Variants in RYR2 observed in about 807,000 individuals in gnomAD.
RYR2 encodes cardiac muscle ryanodine receptor-calcium release channel.
In RYR2, 227 loss-of-function variants were observed where a neutral mutation model predicts 601.1. The ratio of observed to expected loss-of-function variants is 0.38; its 90% confidence interval spans 0.34 to 0.42. The LOEUF (loss-of-function observed/expected upper bound fraction) is 0.42, where lower values mean the gene tolerates loss of function less well. Ranked by LOEUF, RYR2 falls within the 10% of genes least tolerant of loss-of-function variation. RYR2 has a pLI of 1.00. For missense variants in RYR2, 4,646 were observed against 6,156.5 expected, an observed-to-expected ratio of 0.75 and a Z score of 8.21; for synonymous variants, 2,223 against 2,175.1, an observed-to-expected ratio of 1.02 and a Z score of -0.61.
At chr1:237,815,391 C>T (rs1661712710) in intron 100 of RYR2, among the ~76,000 whole-genome samples, 1 of 152,240 alleles carries the variant, frequency 6.6e-6, no homozygotes, top group African/African-American at 2.4e-5. Flanking sequence ...TCCAGCACCA[C>T]AGCCAACTAC....
Position 237,674,865 on chromosome 1 carries a change from T to C in RYR2, c.8830+19T>C, listed in dbSNP as rs770534794. The C allele has an allele frequency of 2.4e-5, 31 of 1,313,870 alleles. No homozygotes were observed. In the Admixed American group the frequency reaches 3.1e-4, roughly 13 times the overall value. The allele number at this position is 1,313,870 out of a possible 1,614,324, so 81.4% of individuals were successfully genotyped here. A position where few individuals can be genotyped will look rare whatever the true frequency, so the allele number is the denominator to read the frequency against. On this transcript the variant is annotated intron_variant, in intron 60 of 104. Coordinates refer to ENST00000366574, the MANE Select transcript of RYR2 (RefSeq NM_001035.3). ...GAGTTTGGTAGGTACCATAGTCCCA[T>C]TGCTAATAGCCCAGTGTTTGTTGTT... is the stretch of plus-strand genomic sequence containing the variant.
intron 63 of RYR2, among the ~76,000 whole-genome samples, chr1:237,690,127 G>A (rs1000559613): frequency 1.3e-5 from 2 of 152,148 alleles, no homozygotes; most frequent in African/African-American, 2.4e-5. Context: ...GTGAGCCACC[G>A]TGCCTGGCCA....
chr1:237,056,729 G>A (rs1479195210), intron 1 of RYR2, among the ~76,000 whole-genome samples: 8 of 149,520 alleles, frequency 5.4e-5, no homozygotes, highest in Non-Finnish European at 1.2e-4. Flanking sequence ...TGTGAGGACT[G>A]GAGCATTGCA....
At chr1:237,743,688 T>C (rs1312042938) in intron 80 of RYR2, 6 of 497,256 alleles carry the variant, frequency 1.2e-5, no homozygotes, top group Non-Finnish European at 2.4e-5. Flanking sequence ...ACATTTACCT[T>C]TGTTAGACCC....
At chr1:237,213,500 AGT>A (rs1217535342) in intron 1 of RYR2, among the ~76,000 whole-genome samples, 1 of 152,000 alleles carries the variant, frequency 6.6e-6, no homozygotes, top group Non-Finnish European at 1.5e-5. Flanking sequence ...GTATTTTAGT[AGT>A]GAGGCTGAAC....
intron 34 of RYR2, among the ~76,000 whole-genome samples, chr1:237,597,466 G>C (rs1185219202): frequency 6.6e-6 from 1 of 151,750 alleles, no homozygotes; most frequent in Admixed American, 6.6e-5. Context: ...ATTTTTAATA[G>C]AGATGGGGTT....
At chr1:237,062,984 G>A (rs147477707) in intron 1 of RYR2, among the ~76,000 whole-genome samples, 138 of 151,734 alleles carry the variant, frequency 9.1e-4, no homozygotes, top group Non-Finnish European at 1.5e-3. Context: ...TTAGTGCAAT[G>A]GACTGTTTGT....
chr1:237,733,097 A>G (rs1010036550), intron 78 of RYR2, among the ~76,000 whole-genome samples: 3 of 152,198 alleles, frequency 2.0e-5, no homozygotes, highest in Admixed American at 2.0e-4. Context: ...TGGCATTGTC[A>G]GGTAATGAGG....
intron 5 of RYR2, among the ~76,000 whole-genome samples, chr1:237,368,540 G>A (rs988757626): frequency 5.9e-5 from 9 of 152,088 alleles, no homozygotes; most frequent in East Asian, 1.9e-4. Flanking sequence ...CTGGACCAAC[G>A]GCATCAGCAT....
chr1:237,620,141 G>T (rs1309046627), intron 38 of RYR2, among the ~76,000 whole-genome samples: 1 of 152,122 alleles, frequency 6.6e-6, no homozygotes, highest in Non-Finnish European at 1.5e-5. Flanking sequence ...CTAAATATAT[G>T]TATAGGGAAT....
rs116170281 is a variant in RYR2 at position 237,179,698 on chromosome 1, C to G, written c.49-90799C>G. On this transcript the variant is annotated intron_variant, in intron 1 of 104. Transcript: ENST00000366574. Reference sequence around the variant, plus strand: ...TTACCACCCATATACCAGCTGCCCACCAGCTGCGTTGCTGATGGTGCTCTG... The same window carrying G: ...TTACCACCCATATACCAGCTGCCCAGCAGCTGCGTTGCTGATGGTGCTCTG... Among the ~76,000 whole-genome samples the G allele has an allele frequency of 6.0e-3, 917 of 152,202 alleles. 11 individuals are homozygous for G. Among genetic ancestry groups the G allele is most frequent in the South Asian group, 0.033 (159 of 4,830 alleles).
chr1:237,522,300 A>G (rs1308985097), intron 24 of RYR2, among the ~76,000 whole-genome samples: 3 of 152,364 alleles, frequency 2.0e-5, no homozygotes, highest in East Asian at 3.9e-4. Context: ...GATGAGCTAA[A>G]TTTTAAAAAT....
chr1:237,610,710 A>G lies in RYR2; in HGVS notation c.4684-52A>G. The stretch of plus-strand genomic sequence containing the variant: ...GCAGAATTCTAGTCATTACTTTGTG[A>G]ACCCCAAGGGATGTTCTACATTTAT... On this transcript the variant is annotated intron_variant, in intron 35 of 104. Transcript: ENST00000366574. This position sits in a 1 kb window ranked among gnomAD's most constrained non-coding sequence, Gnocchi z 4.9. 7.0e-7 allele frequency: 1 copy of G among 1,433,060 alleles called. No individual in the cohort carries two copies. The highest frequency in any genetic ancestry group is 1.3e-5 in the South Asian group (1 of 77,614). The allele number at this position is 1,433,060 out of a possible 1,614,324, so 88.8% of individuals were successfully genotyped here.
chr1:237,270,132 T>C (rs1689533278), intron 1 of RYR2, among the ~76,000 whole-genome samples: 4 of 152,188 alleles, frequency 2.6e-5, no homozygotes, highest in African/African-American at 9.7e-5. Context: ...GTCCTAGAAA[T>C]GTGTCAGACA....
chr1:237,562,867 G>A (rs188161812), intron 27 of RYR2, among the ~76,000 whole-genome samples: 23 of 152,170 alleles, frequency 1.5e-4, no homozygotes, highest in Non-Finnish European at 3.1e-4. Context: ...TGCTATATCC[G>A]GAGCCCGGAA....
chr1:237,222,217 A>G (rs1018484032), intron 1 of RYR2, among the ~76,000 whole-genome samples: 10 of 152,090 alleles, frequency 6.6e-5, no homozygotes, highest in Admixed American at 5.2e-4. Context: ...GATCGAGACC[A>G]TACTGGCTAA....
At chr1:237,423,335 A>C in intron 12 of RYR2, 87 bp downstream of exon 12, 1 of 1,395,954 alleles carries the variant, frequency 7.2e-7, no homozygotes, top group East Asian at 2.4e-5. Context: ...AAATGAGAAA[A>C]TAAATGATGT....
chr1:237,541,464 T>C (rs1414888359), intron 25 of RYR2, among the ~76,000 whole-genome samples: 1 of 152,208 alleles, frequency 6.6e-6, no homozygotes, highest in Non-Finnish European at 1.5e-5. Flanking sequence ...AAAAACGTGC[T>C]TCCTCCTATC....
intron 1 of RYR2, among the ~76,000 whole-genome samples, chr1:237,170,807 G>A (rs575064107): frequency 6.6e-6 from 1 of 152,270 alleles, no homozygotes; most frequent in African/African-American, 2.4e-5. Flanking sequence ...GAGCTTAGAG[G>A]TGGTTCTGGA....
Sources: gnomAD v4.1 joint callset for allele counts (sites outside exome capture counted in the v4.1 genomes callset) on GRCh38, gnomAD v4.1.1 for gene constraint, Gnocchi (gnomAD v3.1) non-coding constraint, MANE v1.5 for transcripts, NCBI Gene and HGNC (gene_info 2026-07-23, HGNC 2026-07-21) for gene names.